The following PIP4K2A variants were observed in gnomAD, a reference collection of about 807,000 sequenced individuals.
PIP4K2A encodes phosphatidylinositol 5-phosphate 4-kinase type-2 alpha.
In PIP4K2A, 14 loss-of-function variants were observed where a neutral mutation model predicts 42.9. That is an observed-to-expected ratio of 0.33 (90% CI 0.22 to 0.51). PIP4K2A has a LOEUF of 0.51. Ranked by LOEUF, PIP4K2A falls within the 20% of genes least tolerant of loss-of-function variation. PIP4K2A has a pLI of 0.97. For synonymous variants in PIP4K2A, 192 were observed against 192.2 expected, an observed-to-expected ratio of 1.00 and a Z score of 0.01; for missense variants, 434 against 519.8, an observed-to-expected ratio of 0.83 and a Z score of 1.61.
intron 7 of PIP4K2A, among the ~76,000 whole-genome samples, chr10:22,545,732 T>C (rs1404138399): frequency 6.6e-6 from 1 of 152,224 alleles, no homozygotes; most frequent in Non-Finnish European, 1.5e-5. Context: ...AGAGATGGGA[T>C]CTTGCTCTGT....
chr10:22,681,155 A>C (rs1588703749), intron 1 of PIP4K2A, among the ~76,000 whole-genome samples: 1 of 152,288 alleles, frequency 6.6e-6, no homozygotes, highest in African/African-American at 2.4e-5. Context: ...TCAGCATAAA[A>C]GTGTCTTGCT....
At chr10:22,646,824 T>C (rs1286046303) in intron 1 of PIP4K2A, among the ~76,000 whole-genome samples, 1 of 152,210 alleles carries the variant, frequency 6.6e-6, no homozygotes, top group Non-Finnish European at 1.5e-5. Context: ...CTTCTTAAGA[T>C]AGGTTGGCTG....
intron 6 of PIP4K2A, among the ~76,000 whole-genome samples, chr10:22,565,639 A>T (rs1358565254): frequency 6.6e-6 from 1 of 152,240 alleles, no homozygotes; most frequent in East Asian, 1.9e-4. Flanking sequence ...GGCACCCTGA[A>T]AAAAGAACAG....
In PIP4K2A at chr10:22,542,497, T is replaced by G. The variant is rs1329029413; in HGVS notation, c.793-450A>C. On this transcript the variant is annotated intron_variant, in intron 7 of 9. Coordinates refer to ENST00000376573, the MANE Select transcript of PIP4K2A (RefSeq NM_005028.5). ...AAGCACCCTGGAATTCAGCATGCTC[T>G]GTGGAGGCGATTGTTACGCTGTTGT... Among the ~76,000 whole-genome samples the G allele has an allele frequency of 2.6e-5, 4 of 152,198 alleles. 1 individual carries two copies. Among genetic ancestry groups the G allele is most frequent in the Admixed American group, 2.6e-4 (4 of 15,282 alleles).
chr10:22,672,197 G>A (rs997813190), intron 1 of PIP4K2A, among the ~76,000 whole-genome samples: 7 of 151,602 alleles, frequency 4.6e-5, no homozygotes, highest in South Asian at 2.1e-4. Flanking sequence ...ATTTAATGCC[G>A]CTACATCATG....
At chr10:22,680,356 T>C (rs1316457353) in intron 1 of PIP4K2A, among the ~76,000 whole-genome samples, 1 of 152,188 alleles carries the variant, frequency 6.6e-6, no homozygotes, top group African/African-American at 2.4e-5. Context: ...GAATTATGAG[T>C]AATTTAAATA....
intron 1 of PIP4K2A, among the ~76,000 whole-genome samples, chr10:22,701,903 C>T (rs1833721977): frequency 6.6e-6 from 1 of 152,066 alleles, no homozygotes; most frequent in African/African-American, 2.4e-5. Flanking sequence ...AGACTAGGGC[C>T]CACCCAAGGT....
chr10:22,692,908 A>G (rs1396743511), intron 1 of PIP4K2A, among the ~76,000 whole-genome samples: 3 of 152,194 alleles, frequency 2.0e-5, no homozygotes, highest in African/African-American at 7.2e-5. Flanking sequence ...TCGTCAAGGA[A>G]TCATTTATTC....
At chr10:22,577,098 A>G (rs1032403571) in intron 4 of PIP4K2A, among the ~76,000 whole-genome samples, 2 of 149,866 alleles carry the variant, frequency 1.3e-5, no homozygotes, top group Non-Finnish European at 2.9e-5. Flanking sequence ...AAAAAAAAAA[A>G]AGTATTCATA....
At chr10:22,676,063 C>T (rs564726603) in intron 1 of PIP4K2A, among the ~76,000 whole-genome samples, 1 of 151,920 alleles carries the variant, frequency 6.6e-6, no homozygotes, top group East Asian at 1.9e-4. Context: ...TCTTTTCTTT[C>T]CTGTCTTTTC....
intron 1 of PIP4K2A, among the ~76,000 whole-genome samples, chr10:22,637,844 T>G (rs1327856257): frequency 6.6e-6 from 1 of 152,234 alleles, no homozygotes; most frequent in Non-Finnish European, 1.5e-5. Flanking sequence ...ATGTAAAAAG[T>G]ACTTGTTTAC....
intron 5 of PIP4K2A, chr10:22,568,965 T>A: frequency 1.4e-6 from 2 of 1,408,448 alleles, no homozygotes; most frequent in South Asian, 2.5e-5. Flanking sequence ...TGAAAAGACA[T>A]CTATTGCCCT....
chr10:22,569,076 T>C, intron 5 of PIP4K2A: 7 of 1,525,352 alleles, frequency 4.6e-6, no homozygotes, highest in Non-Finnish European at 6.2e-6. Flanking sequence ...TCAAAATTTT[T>C]GATTACTGGC....
At chr10:22,538,854 C>G (rs894501520) in intron 9 of PIP4K2A, among the ~76,000 whole-genome samples, 3 of 152,132 alleles carry the variant, frequency 2.0e-5, no homozygotes, top group African/African-American at 7.2e-5. Flanking sequence ...CCATAGCTAT[C>G]GACAATGTGA....
chr10:22,709,784 G>A (rs570737506), intron 1 of PIP4K2A, among the ~76,000 whole-genome samples: 1 of 152,180 alleles, frequency 6.6e-6, no homozygotes, highest in East Asian at 1.9e-4. Flanking sequence ...AAGTTTTAAG[G>A]AGTATAAAAC....
intron 3 of PIP4K2A, among the ~76,000 whole-genome samples, chr10:22,605,670 T>C (rs544733706): frequency 8.9e-4 from 136 of 152,312 alleles, no homozygotes; most frequent in Non-Finnish European, 1.4e-3. Flanking sequence ...GATAGATGCA[T>C]GGGCCCTCAA....
At chr10:22,707,266 G>T (rs530527636) in intron 1 of PIP4K2A, among the ~76,000 whole-genome samples, 1 of 152,268 alleles carries the variant, frequency 6.6e-6, no homozygotes, top group East Asian at 1.9e-4. Context: ...TTATAATCAA[G>T]GAACTGAGAG....
intron 7 of PIP4K2A, among the ~76,000 whole-genome samples, chr10:22,545,466 C>A (rs917613022): frequency 6.6e-6 from 1 of 152,252 alleles, no homozygotes; most frequent in African/African-American, 2.4e-5. Context: ...CCCAGCCTCC[C>A]CTGGCACCCC....
At chr10:22,550,863 C>A in intron 6 of PIP4K2A, 91 bp from the exon 7 acceptor site, 1 of 772,170 alleles carries the variant, frequency 1.3e-6, no homozygotes, top group Admixed American at 2.1e-5. Context: ...CTGAAGTTTG[C>A]CCCTTTCACC....
Sources: allele counts gnomAD v4.1 joint callset (sites outside exome capture counted in the v4.1 genomes callset), GRCh38; gene constraint gnomAD v4.1.1; transcripts MANE v1.5; gene names NCBI Gene and HGNC (gene_info 2026-07-23, HGNC 2026-07-21).